VPS4B: variants seen among roughly 807,000 people sequenced by gnomAD.
VPS4B encodes vacuolar protein sorting-associated protein 4B.
Under a neutral mutation model 56.1 loss-of-function variants are expected in VPS4B, and 23 were observed. The observed-to-expected ratio is 0.41, with a 90% CI of 0.30 to 0.58. The LOEUF (loss-of-function observed/expected upper bound fraction) is 0.58. VPS4B is among the 20% of genes least tolerant of loss of function. The probability of loss-of-function intolerance (pLI) is 0.29; values close to 1 mark genes in which losing one functional copy is unlikely to be tolerated. For missense variants in VPS4B, 372 were observed against 531.9 expected, an observed-to-expected ratio of 0.70 and a Z score of 2.96; for synonymous variants, 177 against 186.0, an observed-to-expected ratio of 0.95 and a Z score of 0.39.
chr18:63,393,536 G>A lies in VPS4B; in HGVS notation c.1106C>T (p.Ser369Phe), dbSNP rs1171095126. The stretch of plus-strand genomic sequence containing the variant: ...TACAAGATGGTTAGGATCAGCTCGG[G>A]AAGGTCCGCGAACCTGAAATAAACA... The part of the protein sequence containing the change: ...ATHFKKVRGP[S>F]RADPNHLVDD... The change falls in exon 10 of 11, where the codon TCC becomes TTC. Residue 369 changes from serine to phenylalanine, a missense_variant. Coordinates refer to ENST00000238497, the MANE Select transcript of VPS4B (RefSeq NM_004869.4). The A allele has an allele frequency of 6.3e-7, 1 of 1,590,122 alleles. No individual in the cohort carries two copies. The highest frequency in any genetic ancestry group is 8.5e-7 in the Non-Finnish European group (1 of 1,170,708).
chr18:63,417,788 C>T (rs1916202678), intron 1 of VPS4B, among the ~76,000 whole-genome samples: 2 of 152,126 alleles, frequency 1.3e-5, no homozygotes, highest in Non-Finnish European at 2.9e-5. Context: ...GTGGCTGACA[C>T]AAGACTGAAT....
intron 3 of VPS4B, among the ~76,000 whole-genome samples, chr18:63,409,068 T>A (rs1037493767): frequency 6.6e-6 from 1 of 152,228 alleles, no homozygotes; most frequent in Admixed American, 6.5e-5. Context: ...AAACCCTAAG[T>A]TGGAATTCAG....
intron 5 of VPS4B, 80 bp from the exon 6 acceptor site, chr18:63,400,783 G>C: frequency 7.5e-7 from 1 of 1,340,488 alleles, no homozygotes; most frequent in Non-Finnish European, 1.0e-6. Context: ...ACTCTGGAAA[G>C]ATTTTCACTC....
In VPS4B at chr18:63,391,067, A is replaced by T; in HGVS notation, c.1243T>A (p.Leu415Met). ...GGTTTTGTGTTAGATAGTGACCGCA[A>T]CATATCCGACTGTCAGGGAAAAAGA... is the stretch of plus-strand genomic sequence containing the variant. Reference protein sequence around the residue: ...LEPVVSMSDMLRSLSNTKPTV... With the variant: ...LEPVVSMSDMMRSLSNTKPTV... Residue 415 changes from leucine (L) to methionine (M), a missense_variant, in exon 11 of 11, where the codon TTG becomes ATG. Around this residue, in one of 3 missense-constraint regions of VPS4B, gnomAD observed 153 missense variants for 190.9 expected, o/e 0.80. Transcript: ENST00000238497. 6.2e-7 allele frequency: 1 copy of T among 1,609,802 alleles called. No homozygotes were observed. Among genetic ancestry groups the T allele is most frequent in the Non-Finnish European group, 8.5e-7 (1 of 1,176,314 alleles).
intron 10 of VPS4B, 55 bp downstream of exon 10, chr18:63,393,354 A>G: frequency 6.9e-7 from 1 of 1,457,726 alleles, no homozygotes. Context: ...ATAACTGAAA[A>G]TTATGAAGTA....
At chr18:63,398,073 A>T (rs1005066437) in intron 8 of VPS4B, among the ~76,000 whole-genome samples, 1 of 152,114 alleles carries the variant, frequency 6.6e-6, no homozygotes, top group Non-Finnish European at 1.5e-5. Flanking sequence ...AACTGTGAAG[A>T]GTGAAAAGTG....
chr18:63,400,514 G>GA (rs1373361303), intron 6 of VPS4B, 33 bp downstream of exon 6: 2 of 1,588,792 alleles, frequency 1.3e-6, no homozygotes, highest in Non-Finnish European at 1.7e-6. Context: ...TACAGGCAAA[G>GA]AAAAAACTTT....
Position 63,407,599 on chromosome 18 carries a change from G to C in VPS4B, c.297-100C>G, listed in dbSNP as rs1036480962. The C allele has an allele frequency of 3.4e-6, 3 of 882,218 alleles. No individual in the cohort carries two copies. In the African/African-American group the frequency reaches 5.2e-5, roughly 15 times the overall value. 54.6% of individuals were successfully genotyped at this position (882,218 alleles called of 1,614,324 possible). ...ACCTGAAATATTTGTAATTTCAGTG[G>C]CAAAATCAGACATTTACATTAAAAG... is the stretch of plus-strand genomic sequence containing the variant. On this transcript the variant is annotated intron_variant, in intron 3 of 10. Coordinates refer to ENST00000238497, the MANE Select transcript of VPS4B (RefSeq NM_004869.4).
chr18:63,417,479 T>A, intron 1 of VPS4B, among the ~76,000 whole-genome samples: 1 of 152,126 alleles, frequency 6.6e-6, no homozygotes, highest in Non-Finnish European at 1.5e-5. Context: ...CTGGTTTTCC[T>A]CCCACCATTC....
intron 1 of VPS4B, among the ~76,000 whole-genome samples, chr18:63,419,190 A>G (rs1916234908): frequency 6.6e-6 from 1 of 152,190 alleles, no homozygotes; most frequent in Non-Finnish European, 1.5e-5. Context: ...TGGGAGGCCA[A>G]CGGGGGTGGA....
intron 1 of VPS4B, among the ~76,000 whole-genome samples, chr18:63,413,505 C>T (rs1916092384): frequency 6.7e-6 from 1 of 148,286 alleles, no homozygotes. Flanking sequence ...TGCCACTGCA[C>T]TCCAGCCTGG....
At chr18:63,394,043 AGTTT>A (rs959213858) in intron 9 of VPS4B, among the ~76,000 whole-genome samples, 1 of 151,998 alleles carries the variant, frequency 6.6e-6, no homozygotes, top group Non-Finnish European at 1.5e-5. Context: ...AGCTGCTTTT[AGTTT>A]TTTTCTTGAT....
At chr18:63,400,306 C>T (rs1301310615) in intron 6 of VPS4B, 110 bp from the exon 7 acceptor site, 1 of 1,246,576 alleles carries the variant, frequency 8.0e-7, no homozygotes, top group Non-Finnish European at 1.1e-6. Context: ...AATCATGTTT[C>T]AGGTACAGAA....
rs561724351 is a variant in VPS4B, at chr18:63,391,183, T to G, written c.1234-107A>C. The stretch of plus-strand genomic sequence containing the variant: ...ATGAACTTTAACCTAAGTTTAAATA[T>G]GAATATTTGCAGTCTGCCATAAGAT... On this transcript the variant is annotated intron_variant, in intron 10 of 10. Transcript: ENST00000238497. 3 of 734,754 alleles carry G rather than the reference T, an allele frequency of 4.1e-6. No individual in the cohort carries two copies. In the East Asian group the frequency reaches 8.5e-5, roughly 21 times the overall value. The allele number at this position is 734,754 out of a possible 1,614,324, so 45.5% of individuals were successfully genotyped here. A position where few individuals can be genotyped will look rare whatever the true frequency, so the allele number is the denominator to read the frequency against.
At chr18:63,409,078 G>C (rs142170834) in intron 3 of VPS4B, among the ~76,000 whole-genome samples, 1 of 152,196 alleles carries the variant, frequency 6.6e-6, no homozygotes, top group South Asian at 2.1e-4. Context: ...TTGGAATTCA[G>C]TAATTTGTAA....
At chr18:63,396,159 G>A (rs1231165365) in intron 9 of VPS4B, among the ~76,000 whole-genome samples, 1 of 151,734 alleles carries the variant, frequency 6.6e-6, no homozygotes, top group African/African-American at 2.4e-5. Flanking sequence ...CCTTACATCT[G>A]TACATTTAAG....
At position 63,404,288 on chromosome 18, in the gene VPS4B, GA is replaced by G. The variant is rs945826885; in HGVS notation, c.365-463del. ...TGATCTAATCCTCTCCTCAACCACT[GA>G]AAAAAAAAATATGCTTAACAAATTT... is the stretch of plus-strand genomic sequence containing the variant. On this transcript the variant is annotated intron_variant, in intron 4 of 10. Coordinates refer to ENST00000238497, the MANE Select transcript of VPS4B (RefSeq NM_004869.4). 4.7e-5 allele frequency among the ~76,000 whole-genome samples: 7 copies of G among 148,048 alleles called. No homozygotes were observed. In the South Asian group the frequency reaches 6.4e-4, roughly 14 times the overall value.
chr18:63,410,493 T>C lies in VPS4B; in HGVS notation c.140-47A>G, dbSNP rs753568987. The C allele has an allele frequency of 5.3e-5, 84 of 1,590,162 alleles. 1 individual carries two copies. In the Middle Eastern group the frequency reaches 2.2e-3, roughly 42 times the overall value. ...GATTTTTTTCCATTAGTATTCTATG[T>C]AGAAAGGTTTGAACTCTTAAATATG... On this transcript the variant is annotated intron_variant, in intron 2 of 10. Coordinates refer to ENST00000238497, the MANE Select transcript of VPS4B (RefSeq NM_004869.4).
chr18:63,398,499 C>T (rs1308290142), intron 8 of VPS4B, among the ~76,000 whole-genome samples: 2 of 151,248 alleles, frequency 1.3e-5, no homozygotes, highest in African/African-American at 4.9e-5. Context: ...GGATTACAGG[C>T]ATGAGCCACC....
Sources: gnomAD v4.1 joint callset for allele counts (sites outside exome capture counted in the v4.1 genomes callset) on GRCh38, gnomAD v4.1.1 for gene constraint, gnomAD v4.1.1 regional missense constraint, MANE v1.5 for transcripts, NCBI Gene and HGNC (gene_info 2026-07-23, HGNC 2026-07-21) for gene names.